HELZ: variants seen among roughly 807,000 people sequenced by gnomAD.
HELZ encodes the protein helicase with zinc finger.
HELZ carries 23 observed loss-of-function variants against 218.2 expected under a neutral mutation model. The observed-to-expected ratio is 0.11, with a 90% CI of 0.08 to 0.15. HELZ has a LOEUF of 0.15. HELZ is among the 10% of genes least tolerant of loss of function. The pLI is 1.00. For synonymous variants in HELZ, 814 were observed against 829.4 expected (o/e 0.98, Z 0.32); for missense variants, 1,813 against 2,353.7 (o/e 0.77, Z 4.75).
At chr17:67,227,326 GGGACTAC>G (rs2143395411) in intron 3 of HELZ, among the ~76,000 whole-genome samples, 1 of 151,992 alleles carries the variant, frequency 6.6e-6, no homozygotes, top group East Asian at 1.9e-4. Context: ...CCCAGTAGCT[GGGACTAC>G]AGGCACACAC....
chr17:67,164,607 A>G (rs1270525117), intron 15 of HELZ, among the ~76,000 whole-genome samples: 1 of 152,034 alleles, frequency 6.6e-6, no homozygotes, highest in Non-Finnish European at 1.5e-5. Context: ...TGTGGATTTT[A>G]CCACAATTAA....
chr17:67,173,003 A>G lies in HELZ; in HGVS notation c.1431-5207T>C, dbSNP rs1052994236. ...AGCAGGCATGAAAAGTTAATCTCAC[A>G]GTTTAGAGCAACAAGAGAATCCTCT... On this transcript the variant is annotated intron_variant, in intron 13 of 32. Coordinates refer to ENST00000358691, the MANE Select transcript of HELZ (RefSeq NM_014877.4). 2.3e-5 allele frequency: 22 copies of G among 962,770 alleles called. No homozygotes were observed. In the East Asian group the frequency reaches 1.6e-3, roughly 70 times the overall value. The allele number at this position is 962,770 out of a possible 1,614,324, so 59.6% of individuals were successfully genotyped here.
intron 31 of HELZ, among the ~76,000 whole-genome samples, chr17:67,103,682 G>A (rs979266567): frequency 4.6e-5 from 7 of 152,190 alleles, no homozygotes; most frequent in African/African-American, 1.7e-4. Context: ...TTAATCTAGA[G>A]ATTTAAAGCA....
chr17:67,183,201 C>T (rs1205061400), intron 12 of HELZ, among the ~76,000 whole-genome samples: 1 of 152,188 alleles, frequency 6.6e-6, no homozygotes, highest in East Asian at 1.9e-4. Flanking sequence ...CAAACTACTG[C>T]TTCAGTGATC....
rs565951899 is a variant in HELZ, at chr17:67,101,805, A to C, written c.5241+5364T>G. Among the ~76,000 whole-genome samples the C allele has an allele frequency of 5.3e-5, 8 of 152,356 alleles. No homozygotes were observed. The East Asian group carries it at 1.5e-3, about 29-fold the overall frequency. ...TTAGTGAGAATGTAATAATTCCAAA[A>C]AGACAGGAAGACAACTGGCTAAACG... On this transcript the variant is annotated intron_variant, in intron 31 of 32. Coordinates refer to ENST00000358691, the MANE Select transcript of HELZ (RefSeq NM_014877.4).
intron 27 of HELZ, among the ~76,000 whole-genome samples, chr17:67,119,592 TA>T (rs1292040220): frequency 6.6e-6 from 1 of 152,212 alleles, no homozygotes; most frequent in East Asian, 1.9e-4. Context: ...ATGTACGTTT[TA>T]AAAGGGTGAA....
intron 32 of HELZ, among the ~76,000 whole-genome samples, chr17:67,079,286 A>G (rs1463507891): frequency 6.6e-6 from 1 of 152,256 alleles, no homozygotes; most frequent in Non-Finnish European, 1.5e-5. Flanking sequence ...ACTGAGGACA[A>G]TTGGAAAATT....
intron 24 of HELZ, among the ~76,000 whole-genome samples, chr17:67,127,231 A>G (rs2037828346): frequency 6.6e-6 from 1 of 152,162 alleles, no homozygotes; most frequent in South Asian, 2.1e-4. Flanking sequence ...CAACATGGCC[A>G]CAGGCGGACT....
chr17:67,204,128 T>C (rs1007210414), intron 5 of HELZ, among the ~76,000 whole-genome samples: 1 of 152,244 alleles, frequency 6.6e-6, no homozygotes, highest in African/African-American at 2.4e-5. Context: ...GGTTCTATTA[T>C]TAGTTTGTAC....
chr17:67,107,389 A>AAGGGAGGAGGGGCAAGGTGTTCAG lies in HELZ; in HGVS notation c.4997_5020dup (p.Ser1666_Pro1673dup). The AAGGGAGGAGGGGCAAGGTGTTCAG allele has an allele frequency of 6.2e-7, 1 of 1,614,200 alleles. No individual in the cohort carries two copies. Among genetic ancestry groups the AAGGGAGGAGGGGCAAGGTGTTCAG allele is most frequent in the South Asian group, 1.1e-5 (1 of 91,082 alleles). On this transcript the variant is annotated inframe_insertion, in exon 31 of 33. Coordinates refer to ENST00000358691, the MANE Select transcript of HELZ (RefSeq NM_014877.4). ...TGCTCCATCAGGTGCCAGGTATTTCAAGGGAGGAGGGGCAAGGTGTTCAGA... is the reference window on the plus strand; with the variant it reads ...TGCTCCATCAGGTGCCAGGTATTTCAAGGGAGGAGGGGCAAGGTGTTCAGAGGGAGGAGGGGCAAGGTGTTCAGA...
At position 67,160,249 on chromosome 17, in the gene HELZ, TA is replaced by T. The variant is rs753711814; in HGVS notation, c.2177+11del. The stretch of plus-strand genomic sequence containing the variant: ...TATGATACAGATACATAATAAGCCT[TA>T]AAAAAAATACCTGAGAGGTCTTGCC... On this transcript the variant is annotated intron_variant, in intron 17 of 32. Transcript: ENST00000358691. 104 of 1,474,998 alleles carry T rather than the reference TA, an allele frequency of 7.1e-5. No homozygotes were observed. The highest frequency in any genetic ancestry group is 8.5e-5 in the Non-Finnish European group (90 of 1,054,494). The allele number at this position is 1,474,998 out of a possible 1,614,324, so 91.4% of individuals were successfully genotyped here. A position where few individuals can be genotyped will look rare whatever the true frequency, so the allele number is the denominator to read the frequency against.
At chr17:67,084,885 C>T (rs1398232872) in intron 32 of HELZ, among the ~76,000 whole-genome samples, 10 of 151,952 alleles carry the variant, frequency 6.6e-5, no homozygotes, top group Admixed American at 6.5e-4. Context: ...TTTGGGAGGC[C>T]AAGGCGGATG....
intron 28 of HELZ, among the ~76,000 whole-genome samples, chr17:67,112,776 G>C (rs906732518): frequency 1.3e-5 from 2 of 152,202 alleles, no homozygotes; most frequent in African/African-American, 4.8e-5. Context: ...GACTAGGACA[G>C]AACTCTGAGA....
At chr17:67,167,402 GA>G in intron 14 of HELZ, 60 bp downstream of exon 14, 1 of 1,221,804 alleles carries the variant, frequency 8.2e-7, no homozygotes, top group South Asian at 1.4e-5. Context: ...ACCAGAGGAA[GA>G]CTACGAGCTG....
chr17:67,118,490 T>C (rs780351218), intron 27 of HELZ, among the ~76,000 whole-genome samples: 10 of 151,802 alleles, frequency 6.6e-5, no homozygotes, highest in African/African-American at 9.7e-5. Context: ...ACATGATCCA[T>C]AGAAGAAAAA....
At chr17:67,229,904 A>G (rs1198955680) in intron 3 of HELZ, among the ~76,000 whole-genome samples, 1 of 152,254 alleles carries the variant, frequency 6.6e-6, no homozygotes, top group African/African-American at 2.4e-5. Flanking sequence ...TACAGAGAAG[A>G]AAACTAGAAA....
chr17:67,215,735 G>C (rs1402931439), intron 5 of HELZ, 164 bp downstream of exon 5: 1 of 655,366 alleles, frequency 1.5e-6, no homozygotes, highest in African/African-American at 1.8e-5. Context: ...ATGTTCACAG[G>C]TATGCCCAGC....
At chr17:67,161,138 A>G (rs768772115) in intron 15 of HELZ, 62 bp from the exon 16 acceptor site, 1 of 1,247,482 alleles carries the variant, frequency 8.0e-7, no homozygotes, top group Non-Finnish European at 1.1e-6. Context: ...AACATAACAC[A>G]CGAGTATCGT....
intron 31 of HELZ, among the ~76,000 whole-genome samples, chr17:67,091,778 AT>A (rs573664044): frequency 1.1e-4 from 16 of 152,168 alleles, no homozygotes; most frequent in South Asian, 1.0e-3. Flanking sequence ...AATAAGCTGC[AT>A]TTTTTTTCTT....
Sources: allele counts gnomAD v4.1 joint callset (sites outside exome capture counted in the v4.1 genomes callset), GRCh38; gene constraint gnomAD v4.1.1; transcripts MANE v1.5; gene names NCBI Gene and HGNC (gene_info 2026-07-23, HGNC 2026-07-21).